Variants in ADCY8 observed in about 807,000 individuals in gnomAD.
ADCY8 encodes the protein adenylate cyclase 8, also known as adenylate cyclase type 8.
A neutral mutation model predicts 119.7 loss-of-function variants in ADCY8; 51 were observed. That is an observed-to-expected ratio of 0.43 (90% CI 0.34 to 0.54). The LOEUF is 0.54. Ranked by LOEUF, ADCY8 falls within the 20% of genes least tolerant of loss-of-function variation. The pLI, the probability that ADCY8 is intolerant of heterozygous loss-of-function variation, is 0.03. For synonymous variants in ADCY8, 665 were observed against 651.0 expected, an observed-to-expected ratio of 1.02 and a Z score of -0.33; for missense variants, 1,383 against 1,598.8, an observed-to-expected ratio of 0.87 and a Z score of 2.30.
intron 3 of ADCY8, among the ~76,000 whole-genome samples, chr8:130,950,499 G>A (rs973295562): frequency 1.3e-5 from 2 of 152,148 alleles, no homozygotes; most frequent in African/African-American, 4.8e-5. Flanking sequence ...TTGGGGGCTG[G>A]TTTGGGGACA....
intron 1 of ADCY8, among the ~76,000 whole-genome samples, chr8:130,997,572 A>G: frequency 6.6e-6 from 1 of 152,222 alleles, no homozygotes; most frequent in East Asian, 1.9e-4. Context: ...TGAGAAAAAA[A>G]CAATGCAGAA....
At chr8:130,943,667 A>G (rs1821026635) in intron 3 of ADCY8, among the ~76,000 whole-genome samples, 1 of 152,198 alleles carries the variant, frequency 6.6e-6, no homozygotes, top group Non-Finnish European at 1.5e-5. Flanking sequence ...CTCAGGAAGG[A>G]CAAGGGGACA....
chr8:130,934,278 A>C (rs1820720669), intron 5 of ADCY8, among the ~76,000 whole-genome samples: 1 of 152,232 alleles, frequency 6.6e-6, no homozygotes, highest in Non-Finnish European at 1.5e-5. Context: ...CACGGGCTGT[A>C]CAGGAAGCAT....
chr8:130,921,495 G>A (rs186579780), intron 5 of ADCY8, among the ~76,000 whole-genome samples: 130 of 136,714 alleles, frequency 9.5e-4, no homozygotes, highest in Admixed American at 1.8e-3. Context: ...TTATTGCCCC[G>A]GCTAGGGTAG....
intron 1 of ADCY8, among the ~76,000 whole-genome samples, chr8:131,036,467 G>C (rs534346040): frequency 3.9e-4 from 59 of 152,226 alleles, no homozygotes; most frequent in African/African-American, 1.4e-3. Flanking sequence ...TCTTCATTCA[G>C]TGACTGTTTG....
At chr8:130,966,023 TG>T (rs1449242512) in intron 2 of ADCY8, among the ~76,000 whole-genome samples, 4 of 152,220 alleles carry the variant, frequency 2.6e-5, no homozygotes, top group Non-Finnish European at 5.9e-5. Context: ...TGGACTCCTT[TG>T]GTCATCAAGA....
intron 9 of ADCY8, among the ~76,000 whole-genome samples, chr8:130,855,506 G>C (rs1428912132): frequency 6.6e-6 from 1 of 152,022 alleles, no homozygotes; most frequent in African/African-American, 2.4e-5. Context: ...ATGACTAGCT[G>C]CTGGGTGAGG....
chr8:130,948,935 C>T (rs1206448019), intron 3 of ADCY8, among the ~76,000 whole-genome samples: 1 of 152,052 alleles, frequency 6.6e-6, no homozygotes, highest in Non-Finnish European at 1.5e-5. Context: ...TTCCCGAAAC[C>T]CCCGGAGCCG....
chr8:130,852,547 A>G (rs1474598888), intron 9 of ADCY8, among the ~76,000 whole-genome samples: 2 of 152,192 alleles, frequency 1.3e-5, no homozygotes, highest in Non-Finnish European at 2.9e-5. Context: ...GCTCATTCAC[A>G]TGAGGAAACC....
intron 10 of ADCY8, among the ~76,000 whole-genome samples, chr8:130,848,170 C>T (rs1264961315): frequency 6.6e-6 from 1 of 152,144 alleles, no homozygotes; most frequent in Non-Finnish European, 1.5e-5. Flanking sequence ...GAGCTGGTGA[C>T]TGGTGGATCT....
chr8:131,012,807 T>C (rs1823352641), intron 1 of ADCY8, among the ~76,000 whole-genome samples: 1 of 152,244 alleles, frequency 6.6e-6, no homozygotes, highest in African/African-American at 2.4e-5. Context: ...CTGTGGTCTC[T>C]GTTGAAATTG....
At chr8:131,008,068 G>A (rs2130774876) in intron 1 of ADCY8, among the ~76,000 whole-genome samples, 1 of 152,286 alleles carries the variant, frequency 6.6e-6, no homozygotes, top group South Asian at 2.1e-4. Flanking sequence ...GACAATGAAA[G>A]GGCTGTTTGT....
chr8:130,951,390 A>G (rs928861097), intron 3 of ADCY8, among the ~76,000 whole-genome samples: 1 of 152,156 alleles, frequency 6.6e-6, no homozygotes, highest in African/African-American at 2.4e-5. Flanking sequence ...AGATACATGG[A>G]TGGATGGATA....
At chr8:130,872,660 T>A (rs1430381735) in intron 8 of ADCY8, among the ~76,000 whole-genome samples, 1 of 152,248 alleles carries the variant, frequency 6.6e-6, no homozygotes, top group African/African-American at 2.4e-5. Flanking sequence ...TCCTGATTGA[T>A]GAATGGATCC....
chr8:130,825,270 T>C (rs1373212813), intron 12 of ADCY8, among the ~76,000 whole-genome samples: 12 of 152,194 alleles, frequency 7.9e-5, no homozygotes, highest in Non-Finnish European at 1.8e-4. Context: ...TGCAGTGCTA[T>C]AGAACACTAA....
At chr8:130,850,262 G>A (rs1029798000) in intron 9 of ADCY8, among the ~76,000 whole-genome samples, 2 of 152,142 alleles carry the variant, frequency 1.3e-5, no homozygotes, top group African/African-American at 4.8e-5. Context: ...TGGTTTTGTG[G>A]TTTTCATGGA....
At chr8:131,004,514 AG>A (rs1436709812) in intron 1 of ADCY8, among the ~76,000 whole-genome samples, 1 of 152,208 alleles carries the variant, frequency 6.6e-6, no homozygotes, top group African/African-American at 2.4e-5. Context: ...TACTCTGTAT[AG>A]GCATCTACTA....
At chr8:130,968,306 A>G (rs1326884683) in intron 2 of ADCY8, among the ~76,000 whole-genome samples, 1 of 151,746 alleles carries the variant, frequency 6.6e-6, no homozygotes, top group African/African-American at 2.4e-5. Flanking sequence ...AGTAGCTGGG[A>G]CTACAGGCGC....
chr8:130,940,085 C>A (rs759170538), intron 4 of ADCY8, among the ~76,000 whole-genome samples: 1 of 152,168 alleles, frequency 6.6e-6, no homozygotes, highest in Non-Finnish European at 1.5e-5. Context: ...GTACTATGTG[C>A]CAGGCAATGT....
Sources: gnomAD v4.1 joint callset for allele counts (sites outside exome capture counted in the v4.1 genomes callset) on GRCh38, gnomAD v4.1.1 for gene constraint, MANE v1.5 for transcripts, NCBI Gene and HGNC (gene_info 2026-07-23, HGNC 2026-07-21) for gene names.